The following ZNF624 variants were observed in gnomAD, a reference collection of about 807,000 sequenced individuals.
The protein encoded by ZNF624 is zinc finger protein 624.
In ZNF624, 43 loss-of-function variants were observed where a neutral mutation model predicts 74.7. The ratio of observed to expected loss-of-function variants is 0.58; its 90% CI spans 0.45 to 0.74. ZNF624 has a LOEUF of 0.74. ZNF624 is among the 30% of genes least tolerant of loss of function. The pLI is 0.00. For missense variants in ZNF624, 820 were observed against 1,030.0 expected (o/e 0.80, Z 2.79); for synonymous variants, 331 against 341.3 (o/e 0.97, Z 0.33).
intron 3 of ZNF624, among the ~76,000 whole-genome samples, chr17:16,645,945 CAA>C (rs35486112): frequency 9.5e-4 from 53 of 56,038 alleles, no homozygotes; most frequent in Admixed American, 6.5e-3. Flanking sequence ...GACTCCATCT[CAA>C]AAAAAAAAAA....
chr17:16,627,032 A>T (rs1267261889), intron 5 of ZNF624, among the ~76,000 whole-genome samples: 1 of 152,130 alleles, frequency 6.6e-6, no homozygotes, highest in African/African-American at 2.4e-5. Context: ...TCAGCCTGGG[A>T]GACAAGAGAG....
downstream of ZNF624, chr17:16,620,695 C>T (rs919294558): frequency 6.6e-6 from 1 of 152,168 alleles, no homozygotes; most frequent in East Asian, 1.9e-4. Context: ...AGGGTAGGTC[C>T]TGGCACATTG....
chr17:16,623,370 C>T lies in ZNF624; in HGVS notation c.1516G>A (p.Gly506Arg), dbSNP rs139054308. ...TTTGCGATGCGGTTGAATGCTTTCC[C>T]ACATTCATTACATTCATAGGGTTTT... is the stretch of plus-strand genomic sequence containing the variant. ...GEKPYECNEC[G>R]KAFNRIANFT... The change falls in exon 6 of 6, where the codon GGG (glycine) becomes AGG (arginine). Residue 506 changes from glycine (G) to arginine (R), a missense_variant. Physicochemically the swap from Gly to Arg is moderately radical, Grantham distance 125. Transcript: ENST00000311331. This position sits in a 1 kb window ranked among gnomAD's most constrained non-coding sequence, Gnocchi z 5.3. 1.9e-6 allele frequency: 3 copies of T among 1,613,802 alleles called. No individual in the cohort carries two copies. In the East Asian group the frequency reaches 6.7e-5, roughly 36 times the overall value.
At position 16,623,340 on chromosome 17, in the gene ZNF624, T is replaced by A. The variant is rs913882258; in HGVS notation, c.1546A>T (p.Thr516Ser). The A allele has an allele frequency of 6.2e-7, 1 of 1,613,502 alleles. No individual in the cohort carries two copies. Among genetic ancestry groups the A allele is most frequent in the African/African-American group, 1.3e-5 (1 of 75,036 alleles). Residue 516 changes from threonine (T) to serine (S), a missense_variant, in exon 6 of 6, where the codon ACA (threonine) becomes TCA (serine). By Grantham distance (58) the Thr-to-Ser change is moderately conservative. Coordinates refer to ENST00000311331, the MANE Select transcript of ZNF624 (RefSeq NM_020787.4). This position sits in a 1 kb window ranked among gnomAD's most constrained non-coding sequence, Gnocchi z 5.3. ...CCTGTGTGAATTCGCTGATGTTCTG[T>A]GAAATTTGCGATGCGGTTGAATGCT... ...GKAFNRIANF[T>S]EHQRIHTGEK...
intron 3 of ZNF624, among the ~76,000 whole-genome samples, chr17:16,635,099 C>T (rs528273609): frequency 1.3e-5 from 2 of 152,298 alleles, no homozygotes; most frequent in South Asian, 4.1e-4. Flanking sequence ...TACTTGATAA[C>T]AGCCAGCAGT....
chr17:16,615,834 T>C (rs970031201), downstream of ZNF624, among the ~76,000 whole-genome samples: 2 of 151,722 alleles, frequency 1.3e-5, no homozygotes, highest in Admixed American at 1.3e-4. Flanking sequence ...GATGTAAAAC[T>C]GACTTTACCA....
intron 3 of ZNF624, among the ~76,000 whole-genome samples, chr17:16,646,327 C>A: frequency 6.6e-6 from 1 of 152,088 alleles, no homozygotes; most frequent in East Asian, 1.9e-4. Flanking sequence ...AAAATCATTT[C>A]AAAAATACTA....
In ZNF624 at chr17:16,622,999, C is replaced by T; in HGVS notation, c.1887G>A (p.Glu629=). 1 of 1,613,746 alleles carries T rather than the reference C, an allele frequency of 6.2e-7. No individual in the cohort carries two copies. The highest frequency in any genetic ancestry group is 8.5e-7 in the Non-Finnish European group (1 of 1,179,854). Reference sequence around the variant, plus strand: ...TCACTCCAGTATGAATTTTCTGATGCTCCTTGAGATTTACCATTTTGGTGA... The same window carrying T: ...TCACTCCAGTATGAATTTTCTGATGTTCCTTGAGATTTACCATTTTGGTGA... ...RAFTKMVNLK[E]HQKIHTGVKP... Residue 629 remains glutamate (E), a synonymous_variant, in exon 6 of 6, where the codon GAG becomes GAA. Transcript: ENST00000311331.
At position 16,623,912 on chromosome 17, in the gene ZNF624, A is replaced by AT; in HGVS notation, c.973dup (p.Ile325AsnfsTer9). ...TTTATAGGGTTTTTCTCCAGTGTGGATTTTTTTGTGCTGACTGAGATATGA... is the reference window on the plus strand; with the variant it reads ...TTTATAGGGTTTTTCTCCAGTGTGGATTTTTTTTGTGCTGACTGAGATATGA... On this transcript the variant is annotated frameshift_variant, in exon 6 of 6. Coordinates refer to ENST00000311331, the MANE Select transcript of ZNF624 (RefSeq NM_020787.4). LOFTEE classifies it high-confidence loss of function. This position sits in a 1 kb window ranked among gnomAD's most constrained non-coding sequence, Gnocchi z 5.3. 6.2e-7 allele frequency: 1 copy of AT among 1,613,832 alleles called. No individual in the cohort carries two copies. The highest frequency in any genetic ancestry group is 8.5e-7 in the Non-Finnish European group (1 of 1,180,000).
At chr17:16,645,945 C>CAAAAAAAAAAAAA (rs35486112) in intron 3 of ZNF624, among the ~76,000 whole-genome samples, 6 of 56,064 alleles carry the variant, frequency 1.1e-4, no homozygotes, top group Admixed American at 2.2e-4. Flanking sequence ...GACTCCATCT[C>CAAAAAAAAAAAAA]AAAAAAAAAA....
At position 16,633,974 on chromosome 17, in the gene ZNF624, A is replaced by C. The variant is rs1360475022; in HGVS notation, c.281-17T>G. 6.2e-7 allele frequency: 1 copy of C among 1,605,182 alleles called. No homozygotes were observed. Among genetic ancestry groups the C allele is most frequent in the Non-Finnish European group, 8.5e-7 (1 of 1,173,518 alleles). On this transcript the variant is annotated splice_polypyrimidine_tract_variant and intron_variant, in intron 4 of 5. Coordinates refer to ENST00000311331, the MANE Select transcript of ZNF624 (RefSeq NM_020787.4). ...CTGCAAGCCCTGTCCAGAGAAAAAT[A>C]AATAGGATTTGATTGGAGCCATGAG... is the stretch of plus-strand genomic sequence containing the variant.
intron 1 of ZNF624, among the ~76,000 whole-genome samples, chr17:16,651,062 C>G (rs767189740): frequency 8.5e-5 from 13 of 152,060 alleles, no homozygotes; most frequent in Non-Finnish European, 5.9e-5. Flanking sequence ...TATGGGTATA[C>G]TGAAACATAT....
At chr17:16,616,934 G>C, downstream of ZNF624, 1 of 1,554,216 alleles carries the variant, frequency 6.4e-7, no homozygotes, top group Non-Finnish European at 8.8e-7. Flanking sequence ...TTTGGTGGAG[G>C]GGACACAGAG....
intron 3 of ZNF624, among the ~76,000 whole-genome samples, chr17:16,638,902 T>C (rs11871369): frequency 0.4 from 60,882 of 151,970 alleles, 14,240 homozygotes; most frequent in African/African-American, 0.64. Flanking sequence ...TTAAGGGATG[T>C]AAACTACTCT....
rs555035251 is a variant in ZNF624, at chr17:16,628,017, T to C, written c.377-3508A>G. ...CTCACATCTTGTAATCCCAGCACTT[T>C]GAAAGGCCAACAAGGGCAGATCACC... On this transcript the variant is annotated intron_variant, in intron 5 of 5. Coordinates refer to ENST00000311331, the MANE Select transcript of ZNF624 (RefSeq NM_020787.4). Among the ~76,000 whole-genome samples, 320 of 152,200 alleles carry C rather than the reference T, an allele frequency of 2.1e-3. 3 individuals carry two copies. The highest frequency in any genetic ancestry group is 6.3e-4 in the Non-Finnish European group (43 of 68,012).
At chr17:16,644,117 G>A (rs535541602) in intron 3 of ZNF624, among the ~76,000 whole-genome samples, 1 of 152,242 alleles carries the variant, frequency 6.6e-6, no homozygotes, top group Non-Finnish European at 1.5e-5. Context: ...CCTTTTCACT[G>A]TGAATGGAAG....
At position 16,623,654 on chromosome 17, in the gene ZNF624, T is replaced by C; in HGVS notation, c.1232A>G (p.Asn411Ser). ...SKLARHQETH[N>S]GEKPYKCDDC... is the part of the protein sequence containing the mutation. ...ATCACATTTGTAGGGTTTCTCACCA[T>C]TGTGAGTTTCCTGATGTCTTGCAAG... The change falls in exon 6 of 6, where the codon AAT (asparagine) becomes AGT (serine). Residue 411 changes from asparagine to serine, a missense_variant. Asn to Ser is a conservative substitution (Grantham distance 46). Transcript: ENST00000311331. This position sits in a 1 kb window ranked among gnomAD's most constrained non-coding sequence, Gnocchi z 5.3. 3.1e-6 allele frequency: 5 copies of C among 1,610,038 alleles called. No individual in the cohort carries two copies. The highest frequency in any genetic ancestry group is 3.4e-6 in the Non-Finnish European group (4 of 1,178,678).
intron 2 of ZNF624, among the ~76,000 whole-genome samples, chr17:16,648,916 G>C (rs1167710273): frequency 6.6e-6 from 1 of 152,080 alleles, no homozygotes. Context: ...TTTCTCACCT[G>C]AACTATCTTC....
intron 3 of ZNF624, among the ~76,000 whole-genome samples, chr17:16,639,184 G>A (rs1199836390): frequency 2.6e-5 from 4 of 152,134 alleles, no homozygotes; most frequent in Non-Finnish European, 4.4e-5. Context: ...TGACTACTCA[G>A]GCAAAGAAGT....
Sources: gnomAD v4.1 joint callset for allele counts (sites outside exome capture counted in the v4.1 genomes callset) on GRCh38, gnomAD v4.1.1 for gene constraint, Gnocchi (gnomAD v3.1) non-coding constraint, MANE v1.5 for transcripts, NCBI Gene and HGNC (gene_info 2026-07-23, HGNC 2026-07-21) for gene names.